Variants in RHOU observed in about 807,000 individuals in gnomAD.
RHOU encodes the protein rho-related GTP-binding protein RhoU.
RHOU carries 8 observed loss-of-function variants against 12.6 expected under a neutral mutation model. The observed-to-expected ratio is 0.64, with a 90% confidence interval of 0.37 to 1.15. RHOU has a LOEUF of 1.15. Ranked by LOEUF, RHOU falls within the 50% of genes most tolerant of loss-of-function variation. RHOU has a pLI of 0.01. For synonymous variants in RHOU, 161 were observed against 147.4 expected (o/e 1.09, Z -0.67); for missense variants, 258 against 347.0 (o/e 0.74, Z 2.04).
At chr1:228,650,628 C>A in the RHOU span, 1 of 450,168 alleles carries the variant, frequency 2.2e-6, no homozygotes, top group African/African-American at 2.0e-5. Context: ...GATATGAGAC[C>A]TTCTTCCAGG....
chr1:228,649,190 T>C, the RHOU span, among the ~76,000 whole-genome samples: 4 of 152,222 alleles, frequency 2.6e-5, no homozygotes, highest in African/African-American at 9.6e-5. Context: ...AAAAGCCATG[T>C]ATTACCCTGT....
At chr1:228,664,837 T>A in the RHOU span, among the ~76,000 whole-genome samples, 1 of 152,134 alleles carries the variant, frequency 6.6e-6, no homozygotes, top group Admixed American at 6.5e-5. Context: ...TTTCACCATG[T>A]TGGCCATTTT....
the RHOU span, among the ~76,000 whole-genome samples, chr1:228,723,918 T>C: frequency 8.5e-5 from 13 of 152,296 alleles, no homozygotes; most frequent in African/African-American, 3.1e-4. Context: ...TTTTTGCCCT[T>C]GATGGTCCAT....
chr1:228,690,100 G>A, the RHOU span, among the ~76,000 whole-genome samples: 1 of 152,114 alleles, frequency 6.6e-6, no homozygotes, highest in Admixed American at 6.5e-5. Flanking sequence ...AAGTGTTAAA[G>A]AGCTACCTCT....
At chr1:228,700,487 T>C in the RHOU span, among the ~76,000 whole-genome samples, 22 of 152,308 alleles carry the variant, frequency 1.4e-4, no homozygotes, top group East Asian at 4.0e-3. Context: ...TTTTATCTTT[T>C]TCATGAACTT....
chr1:228,715,902 T>C, the RHOU span, among the ~76,000 whole-genome samples: 1 of 151,460 alleles, frequency 6.6e-6, no homozygotes, highest in East Asian at 1.9e-4. Flanking sequence ...CTTTTAGTTT[T>C]AAAAAGTATG....
At chr1:228,713,413 C>T in the RHOU span, among the ~76,000 whole-genome samples, 1 of 152,208 alleles carries the variant, frequency 6.6e-6, no homozygotes, top group African/African-American at 2.4e-5. Flanking sequence ...GGCATGGAAG[C>T]TCTGCTCCCC....
At chr1:228,675,112 T>C in the RHOU span, among the ~76,000 whole-genome samples, 1 of 152,202 alleles carries the variant, frequency 6.6e-6, no homozygotes, top group Non-Finnish European at 1.5e-5. Context: ...TGCTTGCATG[T>C]GATTTAAGTA....
the RHOU span, among the ~76,000 whole-genome samples, chr1:228,684,680 C>A: frequency 2.0e-5 from 3 of 152,040 alleles, no homozygotes; most frequent in Non-Finnish European, 1.5e-5. Flanking sequence ...TGTTTGGGTG[C>A]TAGATTTTGC....
the RHOU span, among the ~76,000 whole-genome samples, chr1:228,686,276 G>A: frequency 1.3e-5 from 2 of 152,048 alleles, no homozygotes; most frequent in Non-Finnish European, 2.9e-5. Flanking sequence ...GTACTTTGTA[G>A]TTACTCAATG....
chr1:228,707,105 C>CATAT, the RHOU span, among the ~76,000 whole-genome samples: 2,972 of 70,390 alleles, frequency 0.042, 127 homozygotes, highest in Non-Finnish European at 0.054. Flanking sequence ...TATATACATA[C>CATAT]ATATATATAT....
chr1:228,702,377 C>A, the RHOU span, among the ~76,000 whole-genome samples: 1 of 152,116 alleles, frequency 6.6e-6, no homozygotes, highest in African/African-American at 2.4e-5. Flanking sequence ...GGACAGAAGA[C>A]AGCTATGAAG....
At chr1:228,669,788 A>C in the RHOU span, among the ~76,000 whole-genome samples, 1 of 152,170 alleles carries the variant, frequency 6.6e-6, no homozygotes, top group Non-Finnish European at 1.5e-5. Flanking sequence ...CATTTTAGCT[A>C]CTTCATTGTG....
At chr1:228,681,317 G>A in the RHOU span, among the ~76,000 whole-genome samples, 4 of 152,124 alleles carry the variant, frequency 2.6e-5, no homozygotes, top group African/African-American at 9.7e-5. Flanking sequence ...AAGGGTTATA[G>A]GGTGAGGGAG....
chr1:228,715,886 T>C, the RHOU span, among the ~76,000 whole-genome samples: 2 of 152,026 alleles, frequency 1.3e-5, no homozygotes, highest in Non-Finnish European at 2.9e-5. Flanking sequence ...TCATTGTGAT[T>C]TGTGACTTTT....
At chr1:228,649,010 C>G in the RHOU span, among the ~76,000 whole-genome samples, 2 of 152,034 alleles carry the variant, frequency 1.3e-5, no homozygotes, top group African/African-American at 2.4e-5. Context: ...ACTAAAGGCG[C>G]GCACCAACCT....
chr1:228,664,078 G>A, the RHOU span, among the ~76,000 whole-genome samples: 2 of 148,402 alleles, frequency 1.3e-5, no homozygotes, highest in Non-Finnish European at 3.0e-5. Flanking sequence ...GAGAGCAGTG[G>A]CACTATCACG....
intron 2 of RHOU, among the ~76,000 whole-genome samples, chr1:228,741,376 G>T (rs1350618325): frequency 3.3e-5 from 5 of 152,170 alleles, no homozygotes; most frequent in Admixed American, 3.3e-4. Context: ...AATCTCAAGA[G>T]ATCTGGGGAG....
the RHOU span, among the ~76,000 whole-genome samples, chr1:228,691,919 T>C: frequency 3.3e-5 from 5 of 152,224 alleles, no homozygotes; most frequent in Admixed American, 3.3e-4. Context: ...TTTAATCATA[T>C]TATCCAAAGT....
Sources: allele counts gnomAD v4.1 joint callset (sites outside exome capture counted in the v4.1 genomes callset), GRCh38; gene constraint gnomAD v4.1.1; transcripts MANE v1.5; gene names NCBI Gene and HGNC (gene_info 2026-07-23, HGNC 2026-07-21).